The following RAPGEF2 variants were observed in gnomAD, a reference collection of about 807,000 sequenced individuals.
The protein encoded by RAPGEF2 is Rap guanine nucleotide exchange factor 2.
In RAPGEF2, 54 loss-of-function variants were observed where a neutral mutation model predicts 186.7. The observed-to-expected ratio is 0.29, with a 90% confidence interval of 0.23 to 0.36. The LOEUF is 0.36. RAPGEF2 is among the 10% of genes least tolerant of loss of function. RAPGEF2 has a pLI of 1.00. For missense variants in RAPGEF2, 1,532 were observed against 2,045.0 expected (o/e 0.75, Z 4.84); for synonymous variants, 712 against 705.9 (o/e 1.01, Z -0.14).
intron 28 of RAPGEF2, 99 bp downstream of exon 28, chr4:159,354,145 A>C (rs376419291): frequency 8.0e-7 from 1 of 1,246,360 alleles, no homozygotes; most frequent in Non-Finnish European, 1.1e-6. Flanking sequence ...TCTTTTCCTC[A>C]TTTTCTCCAT....
chr4:159,314,380 C>T (rs1173355353), intron 8 of RAPGEF2, among the ~76,000 whole-genome samples: 1 of 152,090 alleles, frequency 6.6e-6, no homozygotes, highest in Non-Finnish European at 1.5e-5. Context: ...GAGATAAAGT[C>T]GTTATTCCTG....
chr4:159,145,584 G>A (rs1561010074), intron 1 of RAPGEF2, among the ~76,000 whole-genome samples: 2 of 152,258 alleles, frequency 1.3e-5, no homozygotes, highest in East Asian at 1.9e-4. Context: ...GATAATTTAC[G>A]TTCCTCTTTT....
intron 4 of RAPGEF2, among the ~76,000 whole-genome samples, chr4:159,230,835 A>T (rs1351996587): frequency 6.6e-6 from 1 of 152,148 alleles, no homozygotes; most frequent in Non-Finnish European, 1.5e-5. Flanking sequence ...CTTGTCATCC[A>T]TGGAATATAA....
chr4:159,188,728 C>T (rs1265726663), intron 2 of RAPGEF2, among the ~76,000 whole-genome samples: 1 of 151,416 alleles, frequency 6.6e-6, no homozygotes, highest in Non-Finnish European at 1.5e-5. Context: ...GTTCCATACA[C>T]CCATCAGCCA....
intron 3 of RAPGEF2, among the ~76,000 whole-genome samples, chr4:159,201,753 G>A (rs1749438414): frequency 6.6e-6 from 1 of 152,224 alleles, no homozygotes; most frequent in African/African-American, 2.4e-5. Flanking sequence ...GTTGGAGGGT[G>A]TTGGTGAGAC....
chr4:159,205,604 T>A (rs1229635282), intron 3 of RAPGEF2, among the ~76,000 whole-genome samples: 1 of 152,162 alleles, frequency 6.6e-6, no homozygotes, highest in African/African-American at 2.4e-5. Context: ...GGGGGCAGAT[T>A]TCCCCTATGC....
rs561014497 is a variant in RAPGEF2 at position 159,166,730 on chromosome 4, A to T, written c.70-19912A>T. ...TACTCAGGTATTTCATATATACATT[A>T]AAAAAACCGACAATAAAAATGAACA... On this transcript the variant is annotated intron_variant, in intron 1 of 29. Transcript: ENST00000691494. Among the ~76,000 whole-genome samples, 163 of 152,232 alleles carry T rather than the reference A, an allele frequency of 1.1e-3. 1 individual carries two copies. The highest frequency in any genetic ancestry group is 3.8e-3 in the African/African-American group (159 of 41,554).
chr4:159,185,914 A>G (rs1394520495), intron 1 of RAPGEF2, among the ~76,000 whole-genome samples: 1 of 152,164 alleles, frequency 6.6e-6, no homozygotes, highest in Non-Finnish European at 1.5e-5. Flanking sequence ...AGAGAGGAGT[A>G]AATATCCCTC....
intron 1 of RAPGEF2, among the ~76,000 whole-genome samples, chr4:159,131,954 A>C (rs1241335809): frequency 6.6e-6 from 1 of 152,156 alleles, no homozygotes; most frequent in Admixed American, 6.5e-5. Flanking sequence ...ATCCAGATTC[A>C]AATCTGGATA....
In RAPGEF2 at chr4:159,246,859, T is replaced by C. The variant is rs28459209; in HGVS notation, c.543+3068T>C. Among the ~76,000 whole-genome samples, 1,067 of 152,274 alleles carry C rather than the reference T, an allele frequency of 7.0e-3. 13 individuals carry two copies. Among genetic ancestry groups the C allele is most frequent in the African/African-American group, 0.024 (1,010 of 41,566 alleles). ...TGTTTTGGGTAATACATCAATAACT[T>C]GTATAGCTAGTAAATTTCCTAGAAT... On this transcript the variant is annotated intron_variant, in intron 7 of 29. Coordinates refer to ENST00000691494, the MANE Select transcript of RAPGEF2 (RefSeq NM_001394067.2).
chr4:159,294,241 G>A (rs1195842242), intron 7 of RAPGEF2, among the ~76,000 whole-genome samples: 1 of 152,168 alleles, frequency 6.6e-6, no homozygotes, highest in Non-Finnish European at 1.5e-5. Flanking sequence ...GGATCCCATA[G>A]GAATCTTTTT....
intron 26 of RAPGEF2, among the ~76,000 whole-genome samples, chr4:159,351,664 C>T (rs192635907): frequency 3.9e-5 from 6 of 152,078 alleles, no homozygotes; most frequent in Admixed American, 2.0e-4. Context: ...AAGATAGGGC[C>T]GGGTGCAGTG....
chr4:159,275,879 A>G (rs1186113187), intron 7 of RAPGEF2, among the ~76,000 whole-genome samples: 1 of 152,124 alleles, frequency 6.6e-6, no homozygotes, highest in Non-Finnish European at 1.5e-5. Flanking sequence ...CGGGTAACCC[A>G]GACACTTTTA....
chr4:159,266,989 C>T (rs922866297), intron 7 of RAPGEF2: 4 of 280,272 alleles, frequency 1.4e-5, no homozygotes, highest in Admixed American at 4.1e-5. Flanking sequence ...CTGAATTGTC[C>T]ATTGCTACCT....
intron 4 of RAPGEF2, among the ~76,000 whole-genome samples, chr4:159,222,642 T>C (rs1439586721): frequency 1.6e-4 from 24 of 152,198 alleles, no homozygotes; most frequent in Non-Finnish European, 3.5e-4. Context: ...CCCCGGTTGT[T>C]TTTGGAGAAG....
At chr4:159,275,384 C>A (rs1758725560) in intron 7 of RAPGEF2, among the ~76,000 whole-genome samples, 2 of 152,076 alleles carry the variant, frequency 1.3e-5, no homozygotes, top group South Asian at 4.1e-4. Context: ...ATCAAAGTTA[C>A]ATTCTTCTTT....
At chr4:159,137,322 GTCC>G (rs1741824805) in intron 1 of RAPGEF2, among the ~76,000 whole-genome samples, 1 of 152,158 alleles carries the variant, frequency 6.6e-6, no homozygotes, top group Non-Finnish European at 1.5e-5. Flanking sequence ...TTCCTGCTGT[GTCC>G]TCACACAGCC....
At chr4:159,210,657 C>A (rs1579473323) in intron 4 of RAPGEF2, 74 bp downstream of exon 4, 1 of 1,168,188 alleles carries the variant, frequency 8.6e-7, no homozygotes, top group Non-Finnish European at 1.2e-6. Flanking sequence ...TTCTAAAATT[C>A]TTTTCTCTTC....
chr4:159,244,619 A>G (rs1178951493), intron 7 of RAPGEF2, among the ~76,000 whole-genome samples: 3 of 152,080 alleles, frequency 2.0e-5, no homozygotes, highest in Admixed American at 1.3e-4. Context: ...AACTAGTAGC[A>G]TTTTATGCTT....
Sources: gnomAD v4.1 joint callset for allele counts (sites outside exome capture counted in the v4.1 genomes callset) on GRCh38, gnomAD v4.1.1 for gene constraint, MANE v1.5 for transcripts, NCBI Gene and HGNC (gene_info 2026-07-23, HGNC 2026-07-21) for gene names.